CDC42EP5: variants seen among roughly 807,000 people sequenced by gnomAD.
The protein encoded by CDC42EP5 is CDC42 effector protein (Rho GTPase binding) 5.
For missense variants in CDC42EP5, 269 were observed against 238.0 expected, an observed-to-expected ratio of 1.13 and a Z score of -0.86; for synonymous variants, 118 against 123.3, an observed-to-expected ratio of 0.96 and a Z score of 0.28.
chr19:54,469,895 C>G (rs2084811794), intron 2 of CDC42EP5, among the ~76,000 whole-genome samples: 1 of 151,958 alleles, frequency 6.6e-6, no homozygotes, highest in Non-Finnish European at 1.5e-5. Context: ...CACCTCGCAT[C>G]CCCCTTCCAT....
intron 2 of CDC42EP5, among the ~76,000 whole-genome samples, chr19:54,468,824 T>A (rs575208472): frequency 6.6e-6 from 1 of 151,680 alleles, no homozygotes; most frequent in East Asian, 2.0e-4. Flanking sequence ...AGTGCTGAGA[T>A]TACAGGTGTG....
intron 2 of CDC42EP5, among the ~76,000 whole-genome samples, chr19:54,467,973 G>C (rs2084778371): frequency 6.6e-6 from 1 of 152,264 alleles, no homozygotes; most frequent in African/African-American, 2.4e-5. Context: ...ACCTATTTCA[G>C]TTGAAGCCCT....
At chr19:54,468,964 CTTTCT>C (rs2084799269) in intron 2 of CDC42EP5, among the ~76,000 whole-genome samples, 1 of 108,298 alleles carries the variant, frequency 9.2e-6, no homozygotes, top group South Asian at 2.8e-4. Context: ...TCCTTCCTTC[CTTTCT>C]TTTCTTTCTT....
At position 54,465,313 on chromosome 19, in the gene CDC42EP5, A is replaced by T. The variant is rs541272939; in HGVS notation, c.235T>A (p.Ser79Thr). 5.8e-6 allele frequency: 7 copies of T among 1,213,970 alleles called. No homozygotes were observed. Among genetic ancestry groups the T allele is most frequent in the Middle Eastern group, 3.1e-4 (1 of 3,198 alleles). The allele number at this position is 1,213,970 out of a possible 1,614,324, so 75.2% of individuals were successfully genotyped here. Residue 79 changes from serine to threonine, a missense_variant, in exon 3 of 3, where the codon TCC becomes ACC. Physicochemically the swap from Ser to Thr is moderately conservative, Grantham distance 58 (BLOSUM62 1). Coordinates refer to ENST00000301200, the MANE Select transcript of CDC42EP5 (RefSeq NM_145057.4). ...RSPPPPAVPQ[S>T]AAPSPADPLL... ...GGGTCGGCAGGCGAGGGCGCTGCGGACTGCGGGACGGCGGGCGGCGGCGGG... is the reference window on the plus strand; with the variant it reads ...GGGTCGGCAGGCGAGGGCGCTGCGGTCTGCGGGACGGCGGGCGGCGGCGGG...
At position 54,465,484 on chromosome 19, in the gene CDC42EP5, A is replaced by G; in HGVS notation, c.64T>C (p.Ser22Pro). 2 of 1,534,336 alleles carry G rather than the reference A, an allele frequency of 1.3e-6. No individual in the cohort carries two copies. The highest frequency in any genetic ancestry group is 1.7e-6 in the Non-Finnish European group (2 of 1,153,098). Residue 22 changes from serine to proline, a missense_variant, in exon 3 of 3, where the codon TCC becomes CCC. Physicochemically the swap from Ser to Pro is moderately conservative, Grantham distance 74. Transcript: ENST00000301200. ...PKKRPDRGALSISAPLGDFRH... is the reference protein window; with the variant it reads ...PKKRPDRGALPISAPLGDFRH... ...AAGTCGCCGAGCGGCGCGGAGATGG[A>G]CAGGGCGCCGCGATCAGGCCGCTTC...
In CDC42EP5 at chr19:54,465,087, G is replaced by C. The variant is rs1240621692; in HGVS notation, c.*14C>G. The C allele has an allele frequency of 7.6e-7, 1 of 1,319,026 alleles. No individual in the cohort carries two copies. The highest frequency in any genetic ancestry group is 9.7e-7 in the Non-Finnish European group (1 of 1,033,226). 81.7% of individuals were successfully genotyped at this position (1,319,026 alleles called of 1,614,324 possible). A position where few individuals can be genotyped will look rare whatever the true frequency, so the allele number is the denominator to read the frequency against. ...TGGGGTGCCGGGCGGGAAGGGCGCG[G>C]GGAATGAGGGAACCTAGAGGCCGAT... On this transcript the variant is annotated 3_prime_UTR_variant, in exon 3 of 3. Coordinates refer to ENST00000301200, the MANE Select transcript of CDC42EP5 (RefSeq NM_145057.4).
intron 2 of CDC42EP5, among the ~76,000 whole-genome samples, chr19:54,470,939 C>T (rs900081346): frequency 6.6e-6 from 1 of 152,214 alleles, no homozygotes; most frequent in Non-Finnish European, 1.5e-5. Flanking sequence ...ACCAGAACAA[C>T]GAGTTGGAAG....
intron 2 of CDC42EP5, among the ~76,000 whole-genome samples, chr19:54,469,893 A>G (rs1451150626): frequency 6.6e-6 from 1 of 151,920 alleles, no homozygotes; most frequent in Non-Finnish European, 1.5e-5. Flanking sequence ...TGCACCTCGC[A>G]TCCCCCTTCC....
Position 54,465,296 on chromosome 19 carries a change from A to T in CDC42EP5, c.252T>A (p.Pro84=). ...GGTGGAAGGACAGCAGCGGGTCGGC[A>T]GGCGAGGGCGCTGCGGACTGCGGGA... ...PAVPQSAAPS[P]ADPLLSFHLD... Residue 84 remains proline, a synonymous_variant, in exon 3 of 3, where the codon CCT becomes CCA. Coordinates refer to ENST00000301200, the MANE Select transcript of CDC42EP5 (RefSeq NM_145057.4). 7.9e-7 allele frequency: 1 copy of T among 1,259,260 alleles called. No individual in the cohort carries two copies. The highest frequency in any genetic ancestry group is 1.0e-6 in the Non-Finnish European group (1 of 1,000,032). 78.0% of individuals were successfully genotyped at this position (1,259,260 alleles called of 1,614,324 possible).
intron 2 of CDC42EP5, among the ~76,000 whole-genome samples, chr19:54,470,147 C>T: frequency 6.6e-6 from 1 of 152,114 alleles, no homozygotes; most frequent in East Asian, 1.9e-4. Flanking sequence ...ACAGCAGGAT[C>T]ACTTGAGCCC....
chr19:54,471,163 G>T (rs2084830071), intron 2 of CDC42EP5, among the ~76,000 whole-genome samples: 1 of 152,224 alleles, frequency 6.6e-6, no homozygotes, highest in Non-Finnish European at 1.5e-5. Flanking sequence ...GGAACAGGCA[G>T]AAAGCGGGGC....
chr19:54,470,899 CTTGA>C (rs2084826493), intron 2 of CDC42EP5, among the ~76,000 whole-genome samples: 2 of 152,240 alleles, frequency 1.3e-5, no homozygotes, highest in South Asian at 2.1e-4. Context: ...CTCTGACACC[CTTGA>C]TTGTCTTTTT....
chr19:54,465,782 C>T (rs1197135089), intron 2 of CDC42EP5, among the ~76,000 whole-genome samples: 2 of 152,124 alleles, frequency 1.3e-5, no homozygotes, highest in Admixed American at 6.5e-5. Flanking sequence ...ATTACAGGCA[C>T]CCGCCACCAT....
At chr19:54,466,542 C>G (rs958069828) in intron 2 of CDC42EP5, among the ~76,000 whole-genome samples, 2 of 152,178 alleles carry the variant, frequency 1.3e-5, no homozygotes, top group African/African-American at 4.8e-5. Context: ...CAAAGCAGAT[C>G]CTGCCTAGAG....
At chr19:54,466,446 T>C (rs1382305765) in intron 2 of CDC42EP5, among the ~76,000 whole-genome samples, 2 of 151,854 alleles carry the variant, frequency 1.3e-5, no homozygotes, top group Non-Finnish European at 2.9e-5. Context: ...CCTGTCTCAA[T>C]AAAAAGAAAA....
chr19:54,470,772 G>C (rs979456598), intron 2 of CDC42EP5, among the ~76,000 whole-genome samples: 1 of 152,158 alleles, frequency 6.6e-6, no homozygotes, highest in Non-Finnish European at 1.5e-5. Flanking sequence ...AGCAAATGCT[G>C]CGCGCCAGAT....
At chr19:54,465,843 C>G (rs989366477) in intron 2 of CDC42EP5, among the ~76,000 whole-genome samples, 1 of 152,010 alleles carries the variant, frequency 6.6e-6, no homozygotes, top group Admixed American at 6.5e-5. Flanking sequence ...CAATGTTGGC[C>G]AGGCTGGTCT....
chr19:54,470,448 AAGG>A (rs752040528), intron 2 of CDC42EP5, among the ~76,000 whole-genome samples: 5 of 148,202 alleles, frequency 3.4e-5, no homozygotes, highest in Non-Finnish European at 7.4e-5. Context: ...GGAGGGAAAA[AAGG>A]AAGGAAGGAA....
At chr19:54,467,520 A>C (rs1489023930) in intron 2 of CDC42EP5, among the ~76,000 whole-genome samples, 1 of 151,654 alleles carries the variant, frequency 6.6e-6, no homozygotes, top group East Asian at 1.9e-4. Flanking sequence ...AGCTGGCAGC[A>C]TCTGCATTGT....
Sources: gnomAD v4.1 joint callset for allele counts (sites outside exome capture counted in the v4.1 genomes callset) on GRCh38, gnomAD v4.1.1 for gene constraint, MANE v1.5 for transcripts, NCBI Gene and HGNC (gene_info 2026-07-23, HGNC 2026-07-21) for gene names.